The following HIPK3 variants were observed in gnomAD, a reference collection of about 807,000 sequenced individuals.
HIPK3 encodes the protein homeodomain-interacting protein kinase 3.
HIPK3 carries 47 observed loss-of-function variants against 124.2 expected under a neutral mutation model. The observed-to-expected ratio is 0.38, with a 90% CI of 0.30 to 0.48. The LOEUF (loss-of-function observed/expected upper bound fraction) is 0.48, where lower values mean the gene tolerates loss of function less well. HIPK3 is among the 20% of genes least tolerant of loss of function. HIPK3 has a pLI of 0.98. For missense variants in HIPK3, 1,286 were observed against 1,454.3 expected, an observed-to-expected ratio of 0.88 and a Z score of 1.88; for synonymous variants, 482 against 515.2, an observed-to-expected ratio of 0.94 and a Z score of 0.87.
chr11:33,347,693 C>T lies in HIPK3; in HGVS notation c.2084C>T (p.Pro695Leu). ...TGGCAACAGGTGACACCCCTGGCTCCTGCTACTACTACACTAACTTCTGAG... is the reference window on the plus strand; with the variant it reads ...TGGCAACAGGTGACACCCCTGGCTCTTGCTACTACTACACTAACTTCTGAG... Reference protein sequence around the residue: ...PAWQQVTPLAPATTTLTSESV... With the variant: ...PAWQQVTPLALATTTLTSESV... Residue 695 changes from proline to leucine, a missense_variant, in exon 10 of 17, where the codon CCT becomes CTT. Around this residue, in one of 3 missense-constraint regions of HIPK3, gnomAD observed 810 missense variants for 864.9 expected, o/e 0.94. Coordinates refer to ENST00000303296, the MANE Select transcript of HIPK3 (RefSeq NM_005734.5). 1 of 1,614,182 alleles carries T rather than the reference C, an allele frequency of 6.2e-7. No homozygotes were observed. The highest frequency in any genetic ancestry group is 1.1e-5 in the South Asian group (1 of 91,084).
chr11:33,327,940 CTA>C (rs1282017841), intron 2 of HIPK3, among the ~76,000 whole-genome samples: 1 of 152,140 alleles, frequency 6.6e-6, no homozygotes, highest in Non-Finnish European at 1.5e-5. Context: ...TGCTTTTTAA[CTA>C]TGTTGTTATA....
intron 3 of HIPK3, among the ~76,000 whole-genome samples, chr11:33,331,984 C>T (rs534212625): frequency 7.2e-5 from 11 of 152,260 alleles, no homozygotes; most frequent in South Asian, 4.1e-4. Flanking sequence ...AAGTTGAACT[C>T]GTGGGCTCAA....
chr11:33,273,589 A>G (rs2133880827), intron 1 of HIPK3, among the ~76,000 whole-genome samples: 2 of 151,856 alleles, frequency 1.3e-5, no homozygotes, highest in East Asian at 1.9e-4. Context: ...GCATTTATAT[A>G]AAGTGGAATG....
chr11:33,312,563 G>A (rs915305174), intron 2 of HIPK3, among the ~76,000 whole-genome samples: 1 of 152,064 alleles, frequency 6.6e-6, no homozygotes, highest in Non-Finnish European at 1.5e-5. Flanking sequence ...ACTCTGCCAG[G>A]GATTGTATGA....
chr11:33,265,551 A>G (rs267446), intron 1 of HIPK3, among the ~76,000 whole-genome samples: 2,118 of 140,364 alleles, frequency 0.015, 55 homozygotes, highest in African/African-American at 0.053. Flanking sequence ...TGGTGTGTGG[A>G]TCGCTTGAGC....
intron 4 of HIPK3, 69 bp downstream of exon 4, chr11:33,337,263 C>T (rs1178362661): frequency 1.3e-6 from 1 of 777,896 alleles, no homozygotes. Context: ...ATGGATAATA[C>T]CTTCCATGTC....
chr11:33,271,309 C>T (rs1851118270), intron 1 of HIPK3, among the ~76,000 whole-genome samples: 1 of 152,128 alleles, frequency 6.6e-6, no homozygotes, highest in Non-Finnish European at 1.5e-5. Context: ...TGTGGTGACT[C>T]ACGACTGTAA....
At chr11:33,265,336 A>G (rs1220187557) in intron 1 of HIPK3, among the ~76,000 whole-genome samples, 1 of 152,206 alleles carries the variant, frequency 6.6e-6, no homozygotes, top group Non-Finnish European at 1.5e-5. Flanking sequence ...TTAGGTAAGA[A>G]TAATATTGGG....
intron 3 of HIPK3, among the ~76,000 whole-genome samples, chr11:33,334,859 G>A (rs758070154): frequency 3.3e-5 from 5 of 152,176 alleles, no homozygotes; most frequent in Non-Finnish European, 5.9e-5. Context: ...TGAATTGGGC[G>A]TGAGCGGCTA....
At chr11:33,303,609 A>G (rs959168538) in intron 2 of HIPK3, among the ~76,000 whole-genome samples, 2 of 152,184 alleles carry the variant, frequency 1.3e-5, no homozygotes, top group South Asian at 4.1e-4. Context: ...CATGGATTAG[A>G]TGTCCTTCCC....
intron 16 of HIPK3, among the ~76,000 whole-genome samples, 180 bp downstream of exon 16, chr11:33,352,445 G>T (rs1478316178): frequency 1.3e-5 from 2 of 152,186 alleles, no homozygotes; most frequent in Non-Finnish European, 2.9e-5. Flanking sequence ...ATTATCCATA[G>T]AACTTGTAGC....
intron 11 of HIPK3, 68 bp downstream of exon 11, chr11:33,348,081 T>C: frequency 6.2e-7 from 1 of 1,606,762 alleles, no homozygotes; most frequent in Non-Finnish European, 8.5e-7. Flanking sequence ...GCATGTACTC[T>C]AAAGGGTCAC....
At chr11:33,268,591 C>CAAAAAAAAAA (rs35408664) in intron 1 of HIPK3, among the ~76,000 whole-genome samples, 1 of 76,032 alleles carries the variant, frequency 1.3e-5, no homozygotes. Context: ...ACTCCGTCAC[C>CAAAAAAAAAA]AAAAAAAAAA....
chr11:33,356,029 C>T lies in HIPK3; in HGVS notation c.*2461C>T, dbSNP rs553548623. ...CTTAGGAAAGAATCAATGCTGGCAA[C>T]ACATTGTTTCAGAAACACCAAGTGC... On this transcript the variant is annotated 3_prime_UTR_variant, in exon 17 of 17. Transcript: ENST00000303296. The T allele has an allele frequency of 6.6e-6, 1 of 151,934 alleles. No homozygotes were observed. The highest frequency in any genetic ancestry group is 1.5e-5 in the Non-Finnish European group (1 of 67,892). The allele number at this position is 151,934 out of a possible 1,614,324, so 9.4% of individuals were successfully genotyped here. A position where few individuals can be genotyped will look rare whatever the true frequency, so the allele number is the denominator to read the frequency against.
At chr11:33,284,636 C>T (rs1018493274) in intron 1 of HIPK3, among the ~76,000 whole-genome samples, 10 of 152,106 alleles carry the variant, frequency 6.6e-5, no homozygotes, top group African/African-American at 1.7e-4. Context: ...GCAGACTAGG[C>T]GAGACCTTGT....
In HIPK3 at chr11:33,348,247, C is replaced by T; in HGVS notation, c.2369+19C>T. ...TCAGTTGGTAAGATTGTCTTTATTG[C>T]CCTTTTGATTTATTATCTACCTGTA... is the stretch of plus-strand genomic sequence containing the variant. On this transcript the variant is annotated intron_variant, in intron 12 of 16. Coordinates refer to ENST00000303296, the MANE Select transcript of HIPK3 (RefSeq NM_005734.5). 2 of 1,604,704 alleles carry T rather than the reference C, an allele frequency of 1.2e-6. No homozygotes were observed. The highest frequency in any genetic ancestry group is 1.7e-5 in the Admixed American group (1 of 59,712).
At chr11:33,257,366 G>GC, upstream of HIPK3, 1 of 984,898 alleles carries the variant, frequency 1.0e-6, no homozygotes, top group Non-Finnish European at 1.2e-6. Context: ...GGAGGGGCCC[G>GC]AGGCTGGGGC....
chr11:33,271,724 A>C (rs1318710880), intron 1 of HIPK3, among the ~76,000 whole-genome samples: 1 of 152,234 alleles, frequency 6.6e-6, no homozygotes. Context: ...AAAATGTGTT[A>C]GCTGTTAGTT....
rs1020869895 is a variant in HIPK3, at chr11:33,268,130, G to A, written c.-3+10241G>A. ...GGAGCCTGAGGCAGGAGAATTGCTT[G>A]AACCCAGGAGGCGGATGTTACAGTG... On this transcript the variant is annotated intron_variant, in intron 1 of 16. Coordinates refer to ENST00000303296, the MANE Select transcript of HIPK3 (RefSeq NM_005734.5). 1.3e-4 allele frequency among the ~76,000 whole-genome samples: 20 copies of A among 152,150 alleles called. 1 individual carries two copies. Among genetic ancestry groups the A allele is most frequent in the Admixed American group, 1.2e-3 (18 of 15,278 alleles).
Sources: allele counts gnomAD v4.1 joint callset (sites outside exome capture counted in the v4.1 genomes callset), GRCh38; gene constraint gnomAD v4.1.1; regional missense constraint gnomAD v4.1.1; transcripts MANE v1.5; gene names NCBI Gene and HGNC (gene_info 2026-07-23, HGNC 2026-07-21).